The following ELK3 variants were observed in gnomAD, a reference collection of about 807,000 sequenced individuals.
ELK3 encodes ETS domain-containing protein Elk-3.
A neutral mutation model predicts 28.9 loss-of-function variants in ELK3; 10 were observed. The ratio of observed to expected loss-of-function variants is 0.35; its 90% CI spans 0.21 to 0.59. The LOEUF (loss-of-function observed/expected upper bound fraction) is 0.59. Ranked by LOEUF, ELK3 falls within the 20% of genes least tolerant of loss-of-function variation. ELK3 has a pLI of 0.82. For missense variants in ELK3, 463 were observed against 517.3 expected (o/e 0.90, Z 1.02); for synonymous variants, 272 against 243.5 (o/e 1.12, Z -1.09).
intron 1 of ELK3, among the ~76,000 whole-genome samples, chr12:96,205,330 C>A (rs1423844341): frequency 6.6e-6 from 1 of 152,180 alleles, no homozygotes; most frequent in Non-Finnish European, 1.5e-5. Context: ...GGTGCAGTAC[C>A]TCAGTTTCCT....
At chr12:96,204,067 G>T (rs1307226163) in intron 1 of ELK3, among the ~76,000 whole-genome samples, 1 of 152,208 alleles carries the variant, frequency 6.6e-6, no homozygotes, top group Non-Finnish European at 1.5e-5. Context: ...GGAGGACAGG[G>T]TTTGGCTCTA....
chr12:96,218,648 A>ATTT (rs144305445), intron 1 of ELK3, among the ~76,000 whole-genome samples: 23 of 131,094 alleles, frequency 1.8e-4, no homozygotes, highest in African/African-American at 6.5e-4. Context: ...AAAGATAAGC[A>ATTT]TTTTTTTTTT....
At position 96,247,803 on chromosome 12, in the gene ELK3, A is replaced by G. The variant is rs1454029193; in HGVS notation, c.1002+69A>G. ...GCTTAGCAAAAAAGGAAGAGCAACT[A>G]AAGAGACTTCCTTCTGTCCCTCAAA... On this transcript the variant is annotated intron_variant, in intron 3 of 4. Transcript: ENST00000228741. The surrounding 1 kb of genome is among the most constrained non-coding windows in gnomAD (Gnocchi z 5.5). 7 of 1,426,954 alleles carry G rather than the reference A, an allele frequency of 4.9e-6. No homozygotes were observed. 88.4% of individuals were successfully genotyped at this position (1,426,954 alleles called of 1,614,324 possible).
intron 2 of ELK3, among the ~76,000 whole-genome samples, chr12:96,238,772 C>G (rs568750865): frequency 6.6e-6 from 1 of 152,230 alleles, no homozygotes; most frequent in Non-Finnish European, 1.5e-5. Flanking sequence ...TTGGTCTCTT[C>G]CGCCCGAAGA....
Position 96,228,416 on chromosome 12 carries a change from C to CAAAAA in ELK3, c.207+4667_207+4671dup, listed in dbSNP as rs71091236. Among the ~76,000 whole-genome samples the CAAAAA allele has an allele frequency of 8.3e-4, 57 of 68,306 alleles. 1 individual carries two copies. Among genetic ancestry groups the CAAAAA allele is most frequent in the Non-Finnish European group, 1.0e-3 (38 of 36,394 alleles). 44.8% of individuals were successfully genotyped at this position (68,306 alleles called of 152,430 possible). ...CTGGCGACAGAGTGAGACTCTGTGT[C>CAAAAA]AAAAAAAAAAAAAAAAAAAAAAAAA... is the stretch of plus-strand genomic sequence containing the variant. On this transcript the variant is annotated intron_variant, in intron 2 of 4. Coordinates refer to ENST00000228741, the MANE Select transcript of ELK3 (RefSeq NM_005230.4).
chr12:96,247,108 C>T lies in ELK3; in HGVS notation c.376C>T (p.Leu126=), dbSNP rs1358448941. The T allele has an allele frequency of 1.2e-6, 2 of 1,613,516 alleles. No individual in the cohort carries two copies. The highest frequency in any genetic ancestry group is 1.7e-6 in the Non-Finnish European group (2 of 1,179,808). The change falls in exon 3 of 5, where the codon CTG becomes TTG. Residue 126 remains leucine (L), a synonymous_variant. Coordinates refer to ENST00000228741, the MANE Select transcript of ELK3 (RefSeq NM_005230.4). This position sits in a 1 kb window ranked among gnomAD's most constrained non-coding sequence, Gnocchi z 5.5. ...GGGCCGCGAGGCCCACAAACACGGC[C>T]TGGCCGCCCTCAGAAGCACGAGCCG... is the stretch of plus-strand genomic sequence containing the variant. ...PEGREAHKHG[L]AALRSTSRNE... is the part of the protein sequence containing the mutation.
chr12:96,251,482 C>T (rs141580787), intron 3 of ELK3, among the ~76,000 whole-genome samples: 41 of 152,162 alleles, frequency 2.7e-4, no homozygotes, highest in African/African-American at 8.9e-4. Flanking sequence ...ATTTTAAATC[C>T]AAAGCTAGAA....
intron 4 of ELK3, among the ~76,000 whole-genome samples, chr12:96,265,485 A>G (rs1952022899): frequency 6.6e-6 from 1 of 152,138 alleles, no homozygotes. Context: ...CAGGAGTTCC[A>G]GACCAGCCTG....
intron 2 of ELK3, among the ~76,000 whole-genome samples, chr12:96,227,024 G>A (rs1211001412): frequency 1.3e-5 from 2 of 152,160 alleles, no homozygotes; most frequent in Non-Finnish European, 2.9e-5. Context: ...TGTGTGCATT[G>A]CCCGTCTGTG....
intron 2 of ELK3, among the ~76,000 whole-genome samples, chr12:96,238,820 C>T (rs1048076127): frequency 6.6e-6 from 1 of 152,236 alleles, no homozygotes; most frequent in African/African-American, 2.4e-5. Flanking sequence ...CCCATGCTTT[C>T]TCAGCACAGA....
chr12:96,235,768 C>T (rs13328984), intron 2 of ELK3, among the ~76,000 whole-genome samples: 1 of 152,124 alleles, frequency 6.6e-6, no homozygotes, highest in African/African-American at 2.4e-5. Flanking sequence ...TAGCAGCTCC[C>T]CCACCCAGCA....
rs1220243971 is a variant in ELK3 at position 96,269,569 on chromosome 12, GTGTGTGTGTGCA to G, written c.*2399_*2410del. The stretch of plus-strand genomic sequence containing the variant: ...CACTCATATAGCTCTGCCTCATTCT[GTGTGTGTGTGCA>G]TGTGTGTGTTAGCAGAGGTATTTTA... On this transcript the variant is annotated 3_prime_UTR_variant, in exon 5 of 5. Coordinates refer to ENST00000228741, the MANE Select transcript of ELK3 (RefSeq NM_005230.4). The G allele has an allele frequency of 6.6e-6, 1 of 152,110 alleles. No homozygotes were observed. The highest frequency in any genetic ancestry group is 1.5e-5 in the Non-Finnish European group (1 of 67,992). 9.4% of individuals were successfully genotyped at this position (152,110 alleles called of 1,614,324 possible). A position where few individuals can be genotyped will look rare whatever the true frequency, so the allele number is the denominator to read the frequency against.
intron 1 of ELK3, among the ~76,000 whole-genome samples, chr12:96,210,597 A>ACAAACACACC: frequency 6.7e-6 from 1 of 149,068 alleles, no homozygotes; most frequent in Non-Finnish European, 1.5e-5. Context: ...ACACACACAC[A>ACAAACACACC]CCCCGAGTGG....
chr12:96,263,752 ACG>A (rs1952010260), intron 4 of ELK3, among the ~76,000 whole-genome samples: 1 of 152,296 alleles, frequency 6.6e-6, no homozygotes, highest in South Asian at 2.1e-4. Context: ...AATGACGGGG[ACG>A]TGAGAGTCTG....
chr12:96,265,138 C>T (rs1251696499), intron 4 of ELK3, among the ~76,000 whole-genome samples: 1 of 151,998 alleles, frequency 6.6e-6, no homozygotes, highest in Non-Finnish European at 1.5e-5. Context: ...GAAAAGGTGG[C>T]TGGGGACAAA....
intron 2 of ELK3, among the ~76,000 whole-genome samples, chr12:96,233,857 C>T (rs1951760876): frequency 6.6e-6 from 1 of 152,224 alleles, no homozygotes; most frequent in African/African-American, 2.4e-5. Context: ...GCCCTCTGTG[C>T]CCGGCCCTGG....
intron 2 of ELK3, among the ~76,000 whole-genome samples, chr12:96,243,929 C>G (rs373728288): frequency 6.7e-6 from 1 of 149,366 alleles, no homozygotes. Flanking sequence ...TCGCTTGAAC[C>G]TAGGAGGCAG....
At chr12:96,208,850 C>A (rs763574210) in intron 1 of ELK3, among the ~76,000 whole-genome samples, 1 of 152,294 alleles carries the variant, frequency 6.6e-6, no homozygotes, top group East Asian at 1.9e-4. Flanking sequence ...TTGGAGGTCC[C>A]GGGCCAGGTG....
chr12:96,221,351 C>T (rs1176386469), intron 1 of ELK3, among the ~76,000 whole-genome samples: 1 of 152,194 alleles, frequency 6.6e-6, no homozygotes, highest in Non-Finnish European at 1.5e-5. Context: ...GTTTCTGCTG[C>T]CCTCCTGTCC....
Sources: allele counts gnomAD v4.1 joint callset (sites outside exome capture counted in the v4.1 genomes callset), GRCh38; gene constraint gnomAD v4.1.1; non-coding constraint Gnocchi (gnomAD v3.1); transcripts MANE v1.5; gene names NCBI Gene and HGNC (gene_info 2026-07-23, HGNC 2026-07-21).